The following GCSAML variants were observed in gnomAD, a reference collection of about 807,000 sequenced individuals.
GCSAML encodes germinal center-associated signaling and motility-like protein.
A neutral mutation model predicts 13.0 loss-of-function variants in GCSAML; 9 were observed. The ratio of observed to expected loss-of-function variants is 0.69; its 90% CI spans 0.42 to 1.21. The LOEUF (loss-of-function observed/expected upper bound fraction) is 1.21, where lower values mean the gene tolerates loss of function less well. Among genes scored for constraint, GCSAML ranks in the 50% most tolerant of loss-of-function variants. The pLI, the probability that GCSAML is intolerant of heterozygous loss-of-function variation, is 0.00. For missense variants in GCSAML, 143 were observed against 153.4 expected (o/e 0.93, Z 0.36); for synonymous variants, 37 against 52.9 (o/e 0.70, Z 1.31).
chr1:247,557,297 T>A (rs73150469), intron 2 of GCSAML, among the ~76,000 whole-genome samples: 36,236 of 152,066 alleles, frequency 0.24, 7,580 homozygotes, highest in African/African-American at 0.56. Flanking sequence ...TTAACGTCAC[T>A]TCTGTTTCAC....
At chr1:247,538,291 C>T (rs748619147) in intron 2 of GCSAML, among the ~76,000 whole-genome samples, 21 of 152,268 alleles carry the variant, frequency 1.4e-4, no homozygotes, top group Non-Finnish European at 2.8e-4. Flanking sequence ...AATCAAGTGA[C>T]ATAAACCCAT....
intron 1 of GCSAML, among the ~76,000 whole-genome samples, chr1:247,508,777 C>T (rs1284445969): frequency 6.6e-6 from 1 of 152,132 alleles, no homozygotes; most frequent in Admixed American, 6.5e-5. Flanking sequence ...ATTCTTTCCC[C>T]ATTGCTTGTT....
chr1:247,509,849 A>C (rs1234698143), intron 1 of GCSAML, among the ~76,000 whole-genome samples: 1 of 152,222 alleles, frequency 6.6e-6, no homozygotes, highest in African/African-American at 2.4e-5. Flanking sequence ...TCAGGGATGA[A>C]GCTGACTTGA....
At chr1:247,541,183 AT>A (rs71757622) in intron 2 of GCSAML, among the ~76,000 whole-genome samples, 53,545 of 151,030 alleles carry the variant, frequency 0.35, 9,944 homozygotes, top group Middle Eastern at 0.48. Flanking sequence ...AGCTTTTTCA[AT>A]TTTTTTTTTC....
chr1:247,545,903 T>C (rs2103028341), upstream of GCSAML, among the ~76,000 whole-genome samples: 1 of 152,312 alleles, frequency 6.6e-6, no homozygotes, highest in African/African-American at 2.4e-5. Flanking sequence ...TATTGTGTAC[T>C]TAACAATTCG....
intron 2 of GCSAML, chr1:247,533,962 C>T (rs1172990207): frequency 2.0e-5 from 3 of 152,172 alleles, no homozygotes; most frequent in Admixed American, 6.5e-5. Flanking sequence ...TGGTACAAGG[C>T]TTGCAGCTGC....
intron 2 of GCSAML, among the ~76,000 whole-genome samples, chr1:247,558,151 A>G (rs1668014140): frequency 6.6e-6 from 1 of 152,178 alleles, no homozygotes; most frequent in Non-Finnish European, 1.5e-5. Context: ...ACTAGTCAGC[A>G]TGGTGAGGAA....
In GCSAML at chr1:247,527,808, C is replaced by G. The variant is rs1666742035; in HGVS notation, c.-148+754C>G. 6.6e-6 allele frequency: 1 copy of G among 152,074 alleles called. No homozygotes were observed. 9.4% of individuals were successfully genotyped at this position (152,074 alleles called of 1,614,324 possible). A position where few individuals can be genotyped will look rare whatever the true frequency, so the allele number is the denominator to read the frequency against. ...AGAATATATTATTGTTATGGTCATC[C>G]CGCAGTGGTATAGAACACTAGAACT... On this transcript the variant is annotated intron_variant, in intron 2 of 5. Transcript: ENST00000366489. This position sits in a 1 kb window ranked among gnomAD's most constrained non-coding sequence, Gnocchi z 4.6.
upstream of GCSAML, among the ~76,000 whole-genome samples, chr1:247,546,270 T>C (rs1667565656): frequency 6.6e-6 from 1 of 152,190 alleles, no homozygotes; most frequent in Non-Finnish European, 1.5e-5. Context: ...ACTCCTGGGC[T>C]CAAGCAATCC....
chr1:247,542,404 A>C (rs1339601712), intron 2 of GCSAML, among the ~76,000 whole-genome samples: 1 of 152,252 alleles, frequency 6.6e-6, no homozygotes, highest in African/African-American at 2.4e-5. Context: ...GGAGCAGCAT[A>C]TGGAAAAGGT....
Position 247,522,306 on chromosome 1 carries a change from C to A in GCSAML, c.-262-4634C>A. Among the ~76,000 whole-genome samples, 2 of 143,244 alleles carry A rather than the reference C, an allele frequency of 1.4e-5. 1 individual carries two copies. Among genetic ancestry groups the A allele is most frequent in the African/African-American group, 5.1e-5 (2 of 39,496 alleles). 94.0% of individuals were successfully genotyped at this position (143,244 alleles called of 152,430 possible). On this transcript the variant is annotated intron_variant, in intron 1 of 5. Coordinates refer to the GCSAML transcript ENST00000366489. ...TGTCCGGGAGGGAGGTGGGGGGCGC[C>A]TCCACCTGGCCGCCGCCCCGTCTGG... is the stretch of plus-strand genomic sequence containing the variant.
chr1:247,567,954 T>C (rs1668451791), intron 4 of GCSAML, among the ~76,000 whole-genome samples: 2 of 152,222 alleles, frequency 1.3e-5, no homozygotes, highest in South Asian at 4.1e-4. Flanking sequence ...TTTCTTATGT[T>C]TTTTGGCTGC....
intron 2 of GCSAML, chr1:247,533,988 C>T (rs901115635): frequency 1.3e-5 from 2 of 152,140 alleles, no homozygotes; most frequent in Non-Finnish European, 2.9e-5. Flanking sequence ...GCTATACTTA[C>T]AGTGCTTTCT....
rs149073248 is a variant in GCSAML at position 247,531,956 on chromosome 1, T to A, written c.-148+4902T>A. 10 of 1,614,014 alleles carry A rather than the reference T, an allele frequency of 6.2e-6. No individual in the cohort carries two copies. In the African/African-American group the frequency reaches 1.3e-4, roughly 22 times the overall value. ...CTGGTATCCACACAAGCCAGTTGCATAATGAGGGGCATCTCGCAAAAGAAG... is the reference window on the plus strand; with the variant it reads ...CTGGTATCCACACAAGCCAGTTGCAAAATGAGGGGCATCTCGCAAAAGAAG... On this transcript the variant is annotated intron_variant, in intron 2 of 5. Coordinates refer to the GCSAML transcript ENST00000366489.
At chr1:247,531,349 T>G (rs963587915) in intron 2 of GCSAML, 2 of 602,946 alleles carry the variant, frequency 3.3e-6, no homozygotes, top group Non-Finnish European at 5.8e-6. Context: ...AACAACGCAA[T>G]TGAACAAAAC....
intron 1 of GCSAML, among the ~76,000 whole-genome samples, chr1:247,553,709 T>G (rs902229023): frequency 2.0e-5 from 3 of 152,110 alleles, no homozygotes; most frequent in African/African-American, 7.2e-5. Context: ...CAAGTGATCT[T>G]CCTGCCTCAG....
chr1:247,555,401 G>C (rs1667915019), intron 1 of GCSAML, among the ~76,000 whole-genome samples: 1 of 152,194 alleles, frequency 6.6e-6, no homozygotes, highest in South Asian at 2.1e-4. Flanking sequence ...CTGTGATCGT[G>C]ACTATTATAC....
intron 1 of GCSAML, among the ~76,000 whole-genome samples, chr1:247,550,638 A>G (rs1194772457): frequency 6.9e-6 from 1 of 144,838 alleles, no homozygotes; most frequent in East Asian, 1.9e-4. Context: ...CTCTGTCTCA[A>G]ATAAACAAAC....
chr1:247,567,737 C>G (rs1019116916), intron 4 of GCSAML, among the ~76,000 whole-genome samples: 4 of 152,172 alleles, frequency 2.6e-5, no homozygotes, highest in African/African-American at 9.7e-5. Flanking sequence ...GTTCTAGATC[C>G]TTGAGGAATT....
Sources: allele counts gnomAD v4.1 joint callset (sites outside exome capture counted in the v4.1 genomes callset), GRCh38; gene constraint gnomAD v4.1.1; non-coding constraint Gnocchi (gnomAD v3.1); transcripts MANE v1.5; gene names NCBI Gene and HGNC (gene_info 2026-07-23, HGNC 2026-07-21).